Variants in TAMM41 observed in about 807,000 individuals in gnomAD.
TAMM41 encodes the protein TAM41 mitochondrial translocator assembly and maintenance homolog.
A neutral mutation model predicts 44.1 loss-of-function variants in TAMM41; 36 were observed. That is an observed-to-expected ratio of 0.82 (90% CI 0.63 to 1.08). The LOEUF is 1.08. TAMM41 is among the 50% of genes least tolerant of loss of function. The probability of loss-of-function intolerance (pLI) is 0.00; values close to 1 mark genes in which losing one functional copy is unlikely to be tolerated. For missense variants in TAMM41, 417 were observed against 404.3 expected, an observed-to-expected ratio of 1.03 and a Z score of -0.27; for synonymous variants, 164 against 153.1, an observed-to-expected ratio of 1.07 and a Z score of -0.53.
the TAMM41 span, among the ~76,000 whole-genome samples, chr3:11,751,398 T>C: frequency 2.0e-5 from 3 of 152,230 alleles, no homozygotes; most frequent in East Asian, 5.8e-4. Context: ...GGCCAAGACT[T>C]TTCCTTATGA....
chr3:11,780,825 G>A, the TAMM41 span, among the ~76,000 whole-genome samples: 2 of 152,190 alleles, frequency 1.3e-5, no homozygotes, highest in African/African-American at 4.8e-5. Context: ...ACTCTCCAGG[G>A]CTCCAGCTCT....
intron 5 of TAMM41, chr3:11,810,818 G>C (rs2078063816): frequency 6.6e-6 from 1 of 151,968 alleles, no homozygotes; most frequent in African/African-American, 2.4e-5. Flanking sequence ...AATCCCAACA[G>C]TTTGGGAGGC....
At chr3:11,770,949 C>A in the TAMM41 span, among the ~76,000 whole-genome samples, 2 of 152,168 alleles carry the variant, frequency 1.3e-5, no homozygotes, top group Non-Finnish European at 2.9e-5. Flanking sequence ...CATGTACCCC[C>A]TTCACTCCCA....
chr3:11,826,674 A>C (rs2078765040), intron 4 of TAMM41: 1 of 146,696 alleles, frequency 6.8e-6, no homozygotes, highest in Admixed American at 7.0e-5. Context: ...CAGGAAATAA[A>C]ATAATGAAAA....
At chr3:11,765,242 A>G in the TAMM41 span, among the ~76,000 whole-genome samples, 1 of 152,112 alleles carries the variant, frequency 6.6e-6, no homozygotes. Flanking sequence ...GGCTCTTACT[A>G]CCACCACCCT....
the TAMM41 span, among the ~76,000 whole-genome samples, chr3:11,757,288 T>C: frequency 3.3e-5 from 5 of 152,198 alleles, no homozygotes; most frequent in African/African-American, 9.6e-5. Flanking sequence ...TTCGCTGTTA[T>C]GTTGAAAGTT....
At chr3:11,812,804 C>T (rs973164224) in intron 5 of TAMM41, among the ~76,000 whole-genome samples, 1 of 152,066 alleles carries the variant, frequency 6.6e-6, no homozygotes, top group African/African-American at 2.4e-5. Context: ...TGGACAAGTG[C>T]GGTAGCCAGG....
intron 7 of TAMM41, chr3:11,807,124 A>T (rs2077932856): frequency 1.0e-6 from 1 of 962,230 alleles, no homozygotes; most frequent in Non-Finnish European, 1.2e-6. Context: ...CAAGTGAAAG[A>T]CATGAGATAC....
the TAMM41 span, among the ~76,000 whole-genome samples, chr3:11,778,326 T>C: frequency 3.3e-5 from 5 of 152,142 alleles, no homozygotes; most frequent in African/African-American, 1.2e-4. Flanking sequence ...CCTAGGCTTG[T>C]CAAGTGATCC....
At chr3:11,808,330 C>G (rs2077981820) in intron 6 of TAMM41, 1 of 1,015,568 alleles carries the variant, frequency 9.8e-7, no homozygotes, top group African/African-American at 1.7e-5. Flanking sequence ...ACAAGTTTCA[C>G]TCACCTCAAA....
At chr3:11,824,404 A>T (rs964224471) in intron 4 of TAMM41, among the ~76,000 whole-genome samples, 32 of 130,764 alleles carry the variant, frequency 2.4e-4, no homozygotes, top group African/African-American at 9.6e-4. Flanking sequence ...CTCTGTTGTC[A>T]GGCTGGAGTG....
chr3:11,813,023 C>T (rs977346817), intron 5 of TAMM41, among the ~76,000 whole-genome samples: 1 of 152,138 alleles, frequency 6.6e-6, no homozygotes, highest in African/African-American at 2.4e-5. Flanking sequence ...GAAACTGATG[C>T]GAAACTAGAT....
At chr3:11,725,802 C>G in the TAMM41 span, among the ~76,000 whole-genome samples, 2 of 152,152 alleles carry the variant, frequency 1.3e-5, no homozygotes, top group African/African-American at 4.8e-5. Context: ...GGAAGCCACA[C>G]AGCCATGAGG....
At chr3:11,722,682 A>G in the TAMM41 span, among the ~76,000 whole-genome samples, 1 of 152,194 alleles carries the variant, frequency 6.6e-6, no homozygotes, top group Non-Finnish European at 1.5e-5. Context: ...AAATACAAAA[A>G]AAAAATGGTC....
At chr3:11,792,063 G>C (rs988264881) in intron 7 of TAMM41, among the ~76,000 whole-genome samples, 1 of 152,210 alleles carries the variant, frequency 6.6e-6, no homozygotes, top group Non-Finnish European at 1.5e-5. Flanking sequence ...GTCACAGCTA[G>C]AGGAGGATGC....
rs151222694 is a variant in TAMM41 at position 11,808,749 on chromosome 3, T to C, written c.874+768A>G. On this transcript the variant is annotated intron_variant, in intron 6 of 7. Coordinates refer to ENST00000455809, the MANE Select transcript of TAMM41 (RefSeq NM_001284401.2). ...TTTTTTTTGTTTGTTTTTTAAGAGATACGGGCTGCTCTATCACCAAGCCTG... is the reference window on the plus strand; with the variant it reads ...TTTTTTTTGTTTGTTTTTTAAGAGACACGGGCTGCTCTATCACCAAGCCTG... 1,600 of 414,932 alleles carry C rather than the reference T, an allele frequency of 3.9e-3. 33 individuals carry two copies. Among genetic ancestry groups the C allele is most frequent in the African/African-American group, 0.033 (1,533 of 46,500 alleles). 25.7% of individuals were successfully genotyped at this position (414,932 alleles called of 1,614,324 possible).
At chr3:11,766,528 A>T in the TAMM41 span, among the ~76,000 whole-genome samples, 1 of 151,412 alleles carries the variant, frequency 6.6e-6, no homozygotes, top group Non-Finnish European at 1.5e-5. Flanking sequence ...TTTTATTTTT[A>T]TTTATTTATT....
At chr3:11,754,708 C>CTTTTTTT in the TAMM41 span, among the ~76,000 whole-genome samples, 3 of 103,548 alleles carry the variant, frequency 2.9e-5, no homozygotes, top group Admixed American at 1.1e-4. Context: ...TCTCAGATCT[C>CTTTTTTT]TTTTTTTTTT....
the TAMM41 span, among the ~76,000 whole-genome samples, chr3:11,771,863 G>A: frequency 2.0e-5 from 3 of 152,172 alleles, no homozygotes; most frequent in Admixed American, 6.5e-5. Flanking sequence ...GATTACAGGC[G>A]TGAGCCACCA....
Sources: allele counts gnomAD v4.1 joint callset (sites outside exome capture counted in the v4.1 genomes callset), GRCh38; gene constraint gnomAD v4.1.1; transcripts MANE v1.5; gene names NCBI Gene and HGNC (gene_info 2026-07-23, HGNC 2026-07-21).